The following CCAR2 variants were observed in gnomAD, a reference collection of about 807,000 sequenced individuals.
CCAR2 encodes cell cycle and apoptosis regulator protein 2.
CCAR2 carries 21 observed loss-of-function variants against 108.1 expected under a neutral mutation model. The observed-to-expected ratio is 0.19, with a 90% CI of 0.14 to 0.28. CCAR2 has a LOEUF of 0.28. Ranked by LOEUF, CCAR2 falls within the 10% of genes least tolerant of loss-of-function variation. The pLI, the probability that CCAR2 is intolerant of heterozygous loss-of-function variation, is 1.00. For missense variants in CCAR2, 1,126 were observed against 1,177.0 expected (o/e 0.96, Z 0.63); for synonymous variants, 577 against 472.8 (o/e 1.22, Z -2.86).
In CCAR2 at chr8:22,614,827, TC is replaced by T; in HGVS notation, c.1042-10del. The stretch of plus-strand genomic sequence containing the variant: ...AGTTTTTTGTTTTGTATCCCTGATC[TC>T]TTCTTGCAGTTTTTGCTGGGCAGGA... On this transcript the variant is annotated splice_polypyrimidine_tract_variant and intron_variant, in intron 10 of 20. Transcript: ENST00000308511. 1.2e-6 allele frequency: 2 copies of T among 1,613,914 alleles called. No homozygotes were observed. Among genetic ancestry groups the T allele is most frequent in the African/African-American group, 2.7e-5 (2 of 75,072 alleles).
intron 7 of CCAR2, among the ~76,000 whole-genome samples, chr8:22,610,441 T>C (rs1357463412): frequency 6.6e-6 from 1 of 152,252 alleles, no homozygotes; most frequent in African/African-American, 2.4e-5. Flanking sequence ...CCCCTGGTGC[T>C]GCCTTACAAC....
In CCAR2 at chr8:22,613,205, G is replaced by A. The variant is rs967679601; in HGVS notation, c.704+69G>A. On this transcript the variant is annotated intron_variant, in intron 8 of 20. Coordinates refer to ENST00000308511, the MANE Select transcript of CCAR2 (RefSeq NM_001393997.1). ...TAGTTTCTTATGTAAATGAGATGGC[G>A]TCTATGCAAGTGCACATGTATGTTC... The A allele has an allele frequency of 3.2e-5, 45 of 1,427,790 alleles. No homozygotes were observed. The African/African-American group carries it at 3.6e-4, about 11-fold the overall frequency. 88.4% of individuals were successfully genotyped at this position (1,427,790 alleles called of 1,614,324 possible). A position where few individuals can be genotyped will look rare whatever the true frequency, so the allele number is the denominator to read the frequency against.
Position 22,613,145 on chromosome 8 carries a change from C to G in CCAR2, c.704+9C>G, listed in dbSNP as rs199873433. 8.3e-6 allele frequency: 13 copies of G among 1,571,994 alleles called. No homozygotes were observed. Among genetic ancestry groups the G allele is most frequent in the Non-Finnish European group, 1.1e-5 (13 of 1,159,832 alleles). On this transcript the variant is annotated intron_variant, in intron 8 of 20. Transcript: ENST00000308511. ...CCTTACACTGTGGACAGGTGAGTGG[C>G]GAGGCTGAGGTGGGCTGAGTCTTGC...
chr8:22,616,416 G>C, intron 14 of CCAR2, 168 bp downstream of exon 14: 1 of 643,312 alleles, frequency 1.6e-6, no homozygotes, highest in East Asian at 2.7e-5. Flanking sequence ...GCAAGGGAAG[G>C]TGGCGCAGAG....
chr8:22,606,525 G>A (rs1801086046), intron 3 of CCAR2, 82 bp from the exon 4 acceptor site: 1 of 1,121,158 alleles, frequency 8.9e-7, no homozygotes, highest in Admixed American at 1.8e-5. Flanking sequence ...TGGGGCGTGG[G>A]TTGAGATGAG....
rs200492000 is a variant in CCAR2, at chr8:22,618,812, C to T, written c.2333-15C>T. On this transcript the variant is annotated splice_polypyrimidine_tract_variant and intron_variant, in intron 18 of 20. Transcript: ENST00000308511. The stretch of plus-strand genomic sequence containing the variant: ...GGAGACTCCATCCTGAATTCTTTTT[C>T]ACGGTTCTCTCTAGGAAACCTGGAC... 188 of 1,612,870 alleles carry T rather than the reference C, an allele frequency of 1.2e-4. No individual in the cohort carries two copies. Among genetic ancestry groups the T allele is most frequent in the Non-Finnish European group, 1.4e-4 (170 of 1,179,610 alleles).
intron 7 of CCAR2, among the ~76,000 whole-genome samples, chr8:22,609,039 AC>A (rs1483417221): frequency 6.8e-6 from 1 of 147,052 alleles, no homozygotes; most frequent in African/African-American, 2.5e-5. Flanking sequence ...GTAACCCTTA[AC>A]CCTTTTTTTT....
At chr8:22,612,966 A>C in intron 7 of CCAR2, 51 bp from the exon 8 acceptor site, 1 of 1,556,628 alleles carries the variant, frequency 6.4e-7, no homozygotes, top group Non-Finnish European at 8.7e-7. Flanking sequence ...GTTTGTATTG[A>C]ATACATATAA....
At chr8:22,614,664 C>G (rs760988633) in intron 10 of CCAR2, 161 bp downstream of exon 10, 6 of 1,043,986 alleles carry the variant, frequency 5.7e-6, no homozygotes, top group Admixed American at 4.0e-5. Flanking sequence ...AGAGCTGTTA[C>G]GACTAGTCAG....
At chr8:22,611,463 TA>T (rs1585157363) in intron 7 of CCAR2, among the ~76,000 whole-genome samples, 2 of 151,798 alleles carry the variant, frequency 1.3e-5, no homozygotes, top group East Asian at 3.9e-4. Flanking sequence ...TGTGTGTGTA[TA>T]TATATATGTA....
At chr8:22,610,318 C>T (rs1353470004) in intron 7 of CCAR2, among the ~76,000 whole-genome samples, 3 of 152,138 alleles carry the variant, frequency 2.0e-5, no homozygotes, top group Non-Finnish European at 2.9e-5. Context: ...ATTTTGAATT[C>T]CTGGCTTTGG....
chr8:22,621,479 C>T (rs1269651746), downstream of CCAR2: 2 of 1,613,910 alleles, frequency 1.2e-6, no homozygotes, highest in South Asian at 1.1e-5. Flanking sequence ...CCTCGTTCTC[C>T]CGCTCCCGCT....
intron 8 of CCAR2, 27 bp from the exon 9 acceptor site, chr8:22,614,065 C>G (rs1490080350): frequency 6.3e-7 from 1 of 1,595,064 alleles, no homozygotes. Flanking sequence ...TTTGCTCAGT[C>G]TGGATTCCCT....
At chr8:22,605,916 TTGCTGC>T in intron 2 of CCAR2, 85 bp downstream of exon 2, 1 of 1,405,204 alleles carries the variant, frequency 7.1e-7, no homozygotes, top group Non-Finnish European at 1.0e-6. Context: ...GGAGAGCAAT[TTGCTGC>T]TGATGTTCCT....
At chr8:22,617,331 T>C (rs1392184899) in intron 14 of CCAR2, 89 bp from the exon 15 acceptor site, 2 of 1,442,196 alleles carry the variant, frequency 1.4e-6, no homozygotes, top group South Asian at 1.4e-5. Context: ...GCCTGGGGCA[T>C]AGTTGATACT....
chr8:22,615,775 C>G lies in CCAR2; in HGVS notation c.1471C>G (p.Gln491Glu). 1.2e-6 allele frequency: 2 copies of G among 1,613,962 alleles called. No homozygotes were observed. The highest frequency in any genetic ancestry group is 1.7e-6 in the Non-Finnish European group (2 of 1,180,018). ...NAETPEATTQ[Q>E]ETDTDLPEAP... ...AGAAACTCCAGAGGCCACCACACAG[C>G]AGGAAACGGACACTGATCTCCCAGA... Residue 491 changes from glutamine (Q) to glutamate (E), a missense_variant, in exon 13 of 21, where the codon CAG (glutamine) becomes GAG (glutamate). Physicochemically the swap from Gln to Glu is conservative, Grantham distance 29. Transcript: ENST00000308511.
chr8:22,615,140 G>A lies in CCAR2; in HGVS notation c.1205+139G>A. On this transcript the variant is annotated intron_variant, in intron 11 of 20. Transcript: ENST00000308511. The stretch of plus-strand genomic sequence containing the variant: ...GTTCCTTCCCCCTCTGGTGCCTCAG[G>A]GTAGGGTGGGGTGTATGCCAAAATC... 8.3e-6 allele frequency: 10 copies of A among 1,209,112 alleles called. No individual in the cohort carries two copies. In the South Asian group the frequency reaches 1.6e-4, roughly 19 times the overall value. The allele number at this position is 1,209,112 out of a possible 1,614,324, so 74.9% of individuals were successfully genotyped here.
chr8:22,607,901 C>T, intron 6 of CCAR2, 68 bp from the exon 7 acceptor site: 1 of 1,239,868 alleles, frequency 8.1e-7, no homozygotes, highest in Non-Finnish European at 1.2e-6. Context: ...GCTGGGATTA[C>T]AGGTGTGAGC....
intron 9 of CCAR2, 24 bp from the exon 10 acceptor site, chr8:22,614,366 C>G: frequency 6.2e-7 from 1 of 1,613,732 alleles, no homozygotes; most frequent in East Asian, 2.2e-5. Context: ...CTGAAGGCAG[C>G]TCTGAGTGTC....
Sources: gnomAD v4.1 joint callset for allele counts (sites outside exome capture counted in the v4.1 genomes callset) on GRCh38, gnomAD v4.1.1 for gene constraint, MANE v1.5 for transcripts, NCBI Gene and HGNC (gene_info 2026-07-23, HGNC 2026-07-21) for gene names.